The following LYN variants were observed in gnomAD, a reference collection of about 807,000 sequenced individuals.
LYN encodes the protein LYN proto-oncogene, Src family tyrosine kinase.
LYN carries 12 observed loss-of-function variants against 65.0 expected under a neutral mutation model. That is an observed-to-expected ratio of 0.18 (90% CI 0.12 to 0.30). The LOEUF is 0.30. LYN is among the 10% of genes least tolerant of loss of function. The pLI is 1.00. For missense variants in LYN, 380 were observed against 623.2 expected, an observed-to-expected ratio of 0.61 and a Z score of 4.16; for synonymous variants, 222 against 221.2, an observed-to-expected ratio of 1.00 and a Z score of -0.03.
rs370006995 is a variant in LYN at position 55,992,495 on chromosome 8, C to T, written c.1051-5851C>T. Among the ~76,000 whole-genome samples the T allele has an allele frequency of 2.6e-5, 4 of 152,168 alleles. No individual in the cohort carries two copies. In the East Asian group the frequency reaches 5.8e-4, roughly 22 times the overall value. ...TCCCTCACCCCAGCTCCATATGGAG[C>T]CTCCTCCTCCCTGCCTGGGCTCCTT... On this transcript the variant is annotated intron_variant, in intron 10 of 12. Coordinates refer to ENST00000519728, the MANE Select transcript of LYN (RefSeq NM_002350.4).
intron 10 of LYN, among the ~76,000 whole-genome samples, chr8:55,971,643 C>A (rs1807612648): frequency 6.6e-6 from 1 of 152,168 alleles, no homozygotes; most frequent in African/African-American, 2.4e-5. Context: ...ATGTACTGTA[C>A]CCGGAGAATG....
chr8:55,982,647 G>A (rs1001261507), intron 10 of LYN, among the ~76,000 whole-genome samples: 2 of 152,056 alleles, frequency 1.3e-5, no homozygotes, highest in Non-Finnish European at 2.9e-5. Flanking sequence ...GGTCAGCTCC[G>A]GCTGGCTTGC....
At chr8:56,009,212 T>C (rs1169444378) in intron 12 of LYN, among the ~76,000 whole-genome samples, 1 of 152,232 alleles carries the variant, frequency 6.6e-6, no homozygotes, top group African/African-American at 2.4e-5. Flanking sequence ...AGTTGAGAGT[T>C]AGGATTAGAT....
intron 1 of LYN, among the ~76,000 whole-genome samples, chr8:55,887,553 T>TATAA (rs1410499736): frequency 3.1e-5 from 2 of 64,460 alleles, no homozygotes; most frequent in African/African-American, 1.3e-4. Context: ...CATATAAAAA[T>TATAA]ATAAATATAT....
chr8:56,009,267 G>A (rs921888200), intron 12 of LYN, among the ~76,000 whole-genome samples: 11 of 152,126 alleles, frequency 7.2e-5, no homozygotes, highest in African/African-American at 2.2e-4. Context: ...ATATCCTTTT[G>A]TTATTAAAGA....
chr8:55,962,285 A>G (rs920123098), intron 8 of LYN, among the ~76,000 whole-genome samples: 11 of 152,046 alleles, frequency 7.2e-5, no homozygotes, highest in African/African-American at 2.7e-4. Flanking sequence ...TGTTGGTGAG[A>G]TGCATCCATG....
At chr8:55,893,794 G>GT (rs1805017024) in intron 1 of LYN, 1 of 125,788 alleles carries the variant, frequency 7.9e-6, no homozygotes, top group South Asian at 2.6e-4. Context: ...TTGTTGTTTT[G>GT]TTTTGTTTTT....
chr8:55,897,427 A>T (rs1249340425), intron 1 of LYN, among the ~76,000 whole-genome samples: 3 of 152,100 alleles, frequency 2.0e-5, no homozygotes, highest in Non-Finnish European at 4.4e-5. Context: ...GACTTTGCAC[A>T]TGGTGGTTTC....
At chr8:55,995,707 G>T (rs932736911) in intron 10 of LYN, among the ~76,000 whole-genome samples, 2 of 152,096 alleles carry the variant, frequency 1.3e-5, no homozygotes, top group Non-Finnish European at 2.9e-5. Context: ...GGGAATGAGC[G>T]TTCCACACAG....
At chr8:55,952,452 C>T (rs140810862) in intron 7 of LYN, among the ~76,000 whole-genome samples, 16,785 of 152,014 alleles carry the variant, frequency 0.11, 1,282 homozygotes, top group Middle Eastern at 0.27. Context: ...CCCAGCTACT[C>T]GGGAGGCTGA....
chr8:55,935,696 G>A (rs1398213703), intron 1 of LYN, among the ~76,000 whole-genome samples: 2 of 150,170 alleles, frequency 1.3e-5, no homozygotes, highest in African/African-American at 4.9e-5. Flanking sequence ...CAGGAGAATC[G>A]CTTGAACCCA....
At position 56,011,451 on chromosome 8, in the gene LYN, C is replaced by T. The variant is rs932314011; in HGVS notation, c.*1341C>T. On this transcript the variant is annotated 3_prime_UTR_variant, in exon 13 of 13. Coordinates refer to ENST00000519728, the MANE Select transcript of LYN (RefSeq NM_002350.4). ...GTAAAAATTGGTCATCAGCTGGGGG[C>T]GGGGTGGTTAGAAGTGATTCAACAG... The T allele has an allele frequency of 2.9e-5, 6 of 205,284 alleles. No individual in the cohort carries two copies. The highest frequency in any genetic ancestry group is 4.6e-5 in the African/African-American group (2 of 43,756). 12.7% of individuals were successfully genotyped at this position (205,284 alleles called of 1,614,324 possible).
intron 10 of LYN, among the ~76,000 whole-genome samples, chr8:55,974,181 T>C (rs1807690905): frequency 6.6e-6 from 1 of 152,226 alleles, no homozygotes; most frequent in Non-Finnish European, 1.5e-5. Context: ...TGACTCAAGA[T>C]AACTGATTCT....
chr8:55,998,646 G>A, intron 11 of LYN, 147 bp downstream of exon 11: 3 of 681,434 alleles, frequency 4.4e-6, no homozygotes, highest in Non-Finnish European at 7.3e-6. Flanking sequence ...TCTGCTTATG[G>A]TTCTATTCTA....
chr8:55,942,284 CAT>C (rs1284289515), intron 2 of LYN, among the ~76,000 whole-genome samples: 2 of 147,926 alleles, frequency 1.4e-5, no homozygotes, highest in African/African-American at 2.5e-5. Context: ...TATACACACA[CAT>C]ATATATGTGT....
intron 1 of LYN, among the ~76,000 whole-genome samples, chr8:55,895,279 G>A (rs1360881265): frequency 2.6e-5 from 4 of 152,156 alleles, no homozygotes; most frequent in African/African-American, 7.2e-5. Context: ...AGACTGACCA[G>A]AGCAGAACAG....
chr8:56,001,142 C>G (rs1222236238), intron 12 of LYN, among the ~76,000 whole-genome samples: 2 of 152,104 alleles, frequency 1.3e-5, no homozygotes, highest in African/African-American at 4.8e-5. Context: ...TCTCTGAGGT[C>G]TGCATGTCCC....
At chr8:55,975,377 G>A (rs1214998005) in intron 10 of LYN, among the ~76,000 whole-genome samples, 2 of 152,208 alleles carry the variant, frequency 1.3e-5, no homozygotes, top group Admixed American at 6.5e-5. Context: ...GGGCACCAGT[G>A]TCCTCGTCTG....
intron 1 of LYN, 82 bp from the exon 2 acceptor site, chr8:55,941,773 C>A: frequency 1.0e-6 from 1 of 976,204 alleles, no homozygotes; most frequent in Non-Finnish European, 1.6e-6. Flanking sequence ...ATTTTTTCTA[C>A]TCTTTTTTAT....
Sources: allele counts gnomAD v4.1 joint callset (sites outside exome capture counted in the v4.1 genomes callset), GRCh38; gene constraint gnomAD v4.1.1; transcripts MANE v1.5; gene names NCBI Gene and HGNC (gene_info 2026-07-23, HGNC 2026-07-21).